HOXC4: variants seen among roughly 807,000 people sequenced by gnomAD.
HOXC4 encodes homeobox C4.
Under a neutral mutation model 25.5 loss-of-function variants are expected in HOXC4, and 15 were observed. The ratio of observed to expected loss-of-function variants is 0.59; its 90% confidence interval spans 0.39 to 0.91. HOXC4 has a LOEUF of 0.91. HOXC4 is among the 40% of genes least tolerant of loss of function. The probability of loss-of-function intolerance (pLI) is 0.00; values close to 1 mark genes in which losing one functional copy is unlikely to be tolerated. For missense variants in HOXC4, 342 were observed against 352.4 expected, an observed-to-expected ratio of 0.97 and a Z score of 0.24; for synonymous variants, 165 against 148.0, an observed-to-expected ratio of 1.11 and a Z score of -0.83.
chr12:54,034,170 C>T, intron 1 of HOXC4: 1 of 1,092,992 alleles, frequency 9.1e-7, no homozygotes, highest in Non-Finnish European at 1.4e-6. Context: ...TTGCGGCTCT[C>T]GCCTCCTCTC....
chr12:54,054,205 C>T lies in HOXC4; in HGVS notation c.283C>T (p.Gln95Ter). Residue 95 changes from glutamine (Q) to a stop codon, truncating the protein, a stop_gained, in exon 1 of 2, where the codon CAG becomes TAG. Coordinates refer to ENST00000430889, the MANE Select transcript of HOXC4 (RefSeq NM_153633.3). LOFTEE classifies it high-confidence loss of function. The part of the protein sequence containing the change: ...QAGHHHPEKS[Q>*]SLCEPAPLSG... ...GGGCCACCACCACCCCGAGAAATCA[C>T]AGTCGCTCTGCGAGCCGGCGCCTCT... 1 of 1,612,932 alleles carries T rather than the reference C, an allele frequency of 6.2e-7. No individual in the cohort carries two copies. Among genetic ancestry groups the T allele is most frequent in the Non-Finnish European group, 8.5e-7 (1 of 1,179,430 alleles).
At chr12:54,029,152 A>AG (rs1262598044) in intron 1 of HOXC4, among the ~76,000 whole-genome samples, 2 of 151,688 alleles carry the variant, frequency 1.3e-5, no homozygotes, top group African/African-American at 2.4e-5. Context: ...AGGCGGGCTG[A>AG]GGGGGCAGGA....
At chr12:54,026,969 G>T (rs965136271) in intron 1 of HOXC4, among the ~76,000 whole-genome samples, 1 of 137,760 alleles carries the variant, frequency 7.3e-6, no homozygotes. Context: ...AATGGTGGGG[G>T]GGGGGGGATA....
chr12:54,028,779 C>T, intron 1 of HOXC4: 1 of 1,614,210 alleles, frequency 6.2e-7, no homozygotes, highest in Non-Finnish European at 8.5e-7. Context: ...TGCTCTCAAA[C>T]TGCAGACAAA....
At chr12:54,037,867 C>T (rs1941213688) in intron 1 of HOXC4, 1 of 152,216 alleles carries the variant, frequency 6.6e-6, no homozygotes, top group South Asian at 2.1e-4. Context: ...AATATATTTA[C>T]ATCATATATA....
intron 1 of HOXC4, among the ~76,000 whole-genome samples, chr12:54,038,766 G>A (rs995691565): frequency 6.6e-6 from 1 of 152,184 alleles, no homozygotes; most frequent in African/African-American, 2.4e-5. Context: ...GGTTCCTGCT[G>A]TGAGTGGAGT....
chr12:54,034,116 G>C (rs1484034914), intron 1 of HOXC4: 1 of 745,938 alleles, frequency 1.3e-6, no homozygotes, highest in Non-Finnish European at 2.4e-6. Flanking sequence ...CGCCTCTCCC[G>C]GGGCTGGGCT....
At chr12:54,044,460 C>T (rs1937649688) in intron 1 of HOXC4, among the ~76,000 whole-genome samples, 1 of 152,170 alleles carries the variant, frequency 6.6e-6, no homozygotes, top group African/African-American at 2.4e-5. Context: ...AGTAAATAGC[C>T]TCAGAGCCTG....
intron 1 of HOXC4, among the ~76,000 whole-genome samples, chr12:54,018,663 T>G (rs940003870): frequency 2.6e-5 from 4 of 152,176 alleles, no homozygotes; most frequent in Admixed American, 2.6e-4. Flanking sequence ...CCGGCCTGGG[T>G]CCGAGGCTCC....
rs1193005031 is a variant in HOXC4 at position 54,034,783 on chromosome 12, G to A, written c.-124+17369G>A. On this transcript the variant is annotated intron_variant, in intron 1 of 3. Transcript: ENST00000303406. ...CCGGAGGGCTGCGGCGTACAGGCTG[G>A]CGCAGAACGAACCTTGGCCTGGGCC... The A allele has an allele frequency of 8.8e-5, 37 of 418,252 alleles. 2 individuals carry two copies. The highest frequency in any genetic ancestry group is 6.5e-4 in the South Asian group (28 of 42,924). The allele number at this position is 418,252 out of a possible 1,614,324, so 25.9% of individuals were successfully genotyped here.
At chr12:54,039,588 CTAAT>C (rs570462440) in intron 1 of HOXC4, among the ~76,000 whole-genome samples, 115 of 152,132 alleles carry the variant, frequency 7.6e-4, no homozygotes, top group African/African-American at 2.7e-3. Flanking sequence ...TTGGAAAAAA[CTAAT>C]TATCAGTTTC....
chr12:54,030,649 G>GAA (rs900853084), intron 1 of HOXC4: 1 of 151,996 alleles, frequency 6.6e-6, no homozygotes, highest in Admixed American at 6.6e-5. Flanking sequence ...TTCAAAAAAG[G>GAA]AAAAAAAAGA....
At position 54,054,147 on chromosome 12, in the gene HOXC4, C is replaced by T. The variant is rs200135426; in HGVS notation, c.225C>T (p.Pro75=). 4.3e-6 allele frequency: 7 copies of T among 1,614,070 alleles called. No homozygotes were observed. The East Asian group carries it at 1.3e-4, about 31-fold the overall frequency. ...ATAGCTGCACCAGTCTCCAGGGGCCCGGCAATTCGCGAGGCCACGGGCCGG... is the reference window on the plus strand; with the variant it reads ...ATAGCTGCACCAGTCTCCAGGGGCCTGGCAATTCGCGAGGCCACGGGCCGG... ...RQYSCTSLQG[P]GNSRGHGPAQ... The change falls in exon 1 of 2, where the codon CCC becomes CCT. Residue 75 remains proline, a synonymous_variant. Coordinates refer to ENST00000430889, the MANE Select transcript of HOXC4 (RefSeq NM_153633.3).
intron 1 of HOXC4, among the ~76,000 whole-genome samples, chr12:54,048,436 G>A (rs1446097899): frequency 6.6e-6 from 1 of 152,016 alleles, no homozygotes; most frequent in African/African-American, 2.4e-5. Flanking sequence ...CCAGAAAAAG[G>A]GAAACCTTAT....
intron 1 of HOXC4, among the ~76,000 whole-genome samples, chr12:54,032,152 G>A (rs1941009256): frequency 6.6e-6 from 1 of 152,164 alleles, no homozygotes; most frequent in South Asian, 2.1e-4. Flanking sequence ...GGCTCTGTCC[G>A]TGTCCACACA....
At chr12:54,028,444 C>T in intron 1 of HOXC4, 1 of 1,468,956 alleles carries the variant, frequency 6.8e-7, no homozygotes. Flanking sequence ...GTCCCTATAA[C>T]CATCTAGTTC....
chr12:54,043,321 G>C (rs80067626), intron 1 of HOXC4, among the ~76,000 whole-genome samples: 2,159 of 152,266 alleles, frequency 0.014, 67 homozygotes, highest in African/African-American at 0.049. Flanking sequence ...TGGTCACCTA[G>C]GATCCTTTCA....
At chr12:54,044,615 G>A (rs927101435) in intron 1 of HOXC4, among the ~76,000 whole-genome samples, 6 of 152,178 alleles carry the variant, frequency 3.9e-5, no homozygotes, top group Non-Finnish European at 7.3e-5. Flanking sequence ...AGATGGCAGC[G>A]GGGCATAGGG....
At chr12:54,028,719 C>A (rs1434692374) in intron 1 of HOXC4, 1 of 1,614,124 alleles carries the variant, frequency 6.2e-7, no homozygotes, top group East Asian at 2.2e-5. Context: ...TCAGTTCCAG[C>A]CGGGGGCCGT....
Sources: allele counts gnomAD v4.1 joint callset (sites outside exome capture counted in the v4.1 genomes callset), GRCh38; gene constraint gnomAD v4.1.1; transcripts MANE v1.5; gene names NCBI Gene and HGNC (gene_info 2026-07-23, HGNC 2026-07-21).